The following SNTG1 variants were observed in gnomAD, a reference collection of about 807,000 sequenced individuals.
SNTG1 encodes the protein syntrophin gamma 1, also known as gamma-1-syntrophin.
In SNTG1, 39 loss-of-function variants were observed where a neutral mutation model predicts 74.7. The ratio of observed to expected loss-of-function variants is 0.52; its 90% CI spans 0.40 to 0.68. The LOEUF (loss-of-function observed/expected upper bound fraction) is 0.68, where lower values mean the gene tolerates loss of function less well. SNTG1 is among the 30% of genes least tolerant of loss of function. SNTG1 has a pLI of 0.00. For missense variants in SNTG1, 685 were observed against 609.5 expected (o/e 1.12, Z -1.30); for synonymous variants, 254 against 217.1 (o/e 1.17, Z -1.49).
chr8:50,702,747 A>G (rs1183860359), intron 15 of SNTG1, among the ~76,000 whole-genome samples: 3 of 152,326 alleles, frequency 2.0e-5, no homozygotes, highest in African/African-American at 4.8e-5. Context: ...ATTTGCTTGC[A>G]CAACCTGAGA....
rs530101507 is a variant in SNTG1, at chr8:50,717,380, C to T, written c.1284+8402C>T. 3.2e-3 allele frequency among the ~76,000 whole-genome samples: 481 copies of T among 152,246 alleles called. 4 individuals carry two copies. Among genetic ancestry groups the T allele is most frequent in the African/African-American group, 0.011 (463 of 41,530 alleles). On this transcript the variant is annotated intron_variant, in intron 17 of 18. Coordinates refer to ENST00000642720, the MANE Select transcript of SNTG1 (RefSeq NM_018967.5). ...TTTGATTTCCATAAAAGTTTTGTAACTCAAAGTATTATCCTTCAAACCTGC... is the reference window on the plus strand; with the variant it reads ...TTTGATTTCCATAAAAGTTTTGTAATTCAAAGTATTATCCTTCAAACCTGC...
At chr8:50,089,511 A>C (rs1190440015) in intron 1 of SNTG1, among the ~76,000 whole-genome samples, 2 of 152,162 alleles carry the variant, frequency 1.3e-5, no homozygotes, top group East Asian at 3.9e-4. Context: ...TACTCACCTG[A>C]CAAAGGGCTA....
intron 18 of SNTG1, among the ~76,000 whole-genome samples, chr8:50,772,768 A>C (rs1187781633): frequency 6.6e-6 from 1 of 152,096 alleles, no homozygotes; most frequent in Non-Finnish European, 1.5e-5. Context: ...TCATGGGGGT[A>C]GATTCCCCCA....
rs369561847 is a variant in SNTG1 at position 50,536,635 on chromosome 8, C to T, written c.550-43C>T. On this transcript the variant is annotated intron_variant, in intron 10 of 18. Transcript: ENST00000642720. Reference sequence around the variant, plus strand: ...GGGTTTGAGATACAGAAACTCAAAGCACAGAAGAAAAAAATTACGTTGAAT... The same window carrying T: ...GGGTTTGAGATACAGAAACTCAAAGTACAGAAGAAAAAAATTACGTTGAAT... The T allele has an allele frequency of 1.4e-5, 23 of 1,600,358 alleles. No homozygotes were observed. The African/African-American group carries it at 2.0e-4, about 14-fold the overall frequency.
intron 1 of SNTG1, among the ~76,000 whole-genome samples, chr8:49,925,226 CTT>C (rs1806915645): frequency 6.6e-6 from 1 of 152,140 alleles, no homozygotes; most frequent in African/African-American, 2.4e-5. Context: ...TAAATAATTA[CTT>C]GTCTTTTAAC....
chr8:50,422,687 G>A (rs894500454), intron 4 of SNTG1, among the ~76,000 whole-genome samples: 1 of 152,100 alleles, frequency 6.6e-6, no homozygotes, highest in Non-Finnish European at 1.5e-5. Flanking sequence ...CAGGAGTGGG[G>A]TTGGTGGGGC....
At chr8:50,630,694 A>G (rs545726528) in intron 13 of SNTG1, among the ~76,000 whole-genome samples, 2 of 152,302 alleles carry the variant, frequency 1.3e-5, no homozygotes, top group East Asian at 1.9e-4. Flanking sequence ...AGGTAATGTG[A>G]TGAGAACTGA....
At chr8:49,921,295 A>G (rs988918371) in intron 1 of SNTG1, among the ~76,000 whole-genome samples, 8 of 152,096 alleles carry the variant, frequency 5.3e-5, no homozygotes, top group African/African-American at 1.9e-4. Flanking sequence ...AGTTCTAACA[A>G]ACATACCATG....
intron 1 of SNTG1, among the ~76,000 whole-genome samples, chr8:50,044,945 T>C (rs1001983455): frequency 4.6e-5 from 7 of 152,186 alleles, no homozygotes; most frequent in Non-Finnish European, 7.3e-5. Flanking sequence ...GTCTAAAATA[T>C]AGGAAGGACT....
At chr8:50,736,243 A>AATG (rs2095528417) in intron 17 of SNTG1, among the ~76,000 whole-genome samples, 1 of 152,048 alleles carries the variant, frequency 6.6e-6, no homozygotes, top group African/African-American at 2.4e-5. Context: ...CTAGCATCAT[A>AATG]ATGACAGGCT....
At chr8:50,780,813 T>G (rs1198331265) in intron 18 of SNTG1, among the ~76,000 whole-genome samples, 2 of 152,220 alleles carry the variant, frequency 1.3e-5, no homozygotes. Flanking sequence ...CAATTTTGGA[T>G]CTTTCCTGCT....
intron 8 of SNTG1, among the ~76,000 whole-genome samples, chr8:50,486,801 T>G (rs1372094455): frequency 1.3e-5 from 2 of 151,824 alleles, no homozygotes; most frequent in Non-Finnish European, 2.9e-5. Flanking sequence ...CATAGATAGC[T>G]CTTATTATTT....
intron 18 of SNTG1, among the ~76,000 whole-genome samples, chr8:50,753,783 T>G (rs2095573464): frequency 6.6e-6 from 1 of 151,534 alleles, no homozygotes; most frequent in African/African-American, 2.4e-5. Flanking sequence ...AGGAAGTAAT[T>G]ATGGAATAGA....
intron 9 of SNTG1, among the ~76,000 whole-genome samples, chr8:50,520,359 A>G (rs1421059118): frequency 6.6e-6 from 1 of 152,190 alleles, no homozygotes; most frequent in African/African-American, 2.4e-5. Context: ...CCTAGGCAAT[A>G]CCATTCAGGG....
chr8:50,018,343 A>T (rs1315671557), intron 1 of SNTG1, among the ~76,000 whole-genome samples: 1 of 152,054 alleles, frequency 6.6e-6, no homozygotes, highest in African/African-American at 2.4e-5. Context: ...GTAAGACTTT[A>T]CATTTACACT....
In SNTG1 at chr8:50,701,586, CTCTTCTTCTTCT is replaced by C. The variant is rs5891382; in HGVS notation, c.1039-2993_1039-2982del. Among the ~76,000 whole-genome samples the C allele has an allele frequency of 3.0e-3, 441 of 145,312 alleles. 4 individuals are homozygous for C. Among genetic ancestry groups the C allele is most frequent in the Admixed American group, 0.025 (377 of 14,786 alleles). ...ATTGTGATATAATACCTTTTTCTTC[CTCTTCTTCTTCT>C]TCTTCTTCTTCTTCTTCTTCGTGTT... On this transcript the variant is annotated intron_variant, in intron 15 of 18. Transcript: ENST00000642720.
At chr8:50,009,960 C>T (rs1016489266) in intron 1 of SNTG1, among the ~76,000 whole-genome samples, 5 of 152,210 alleles carry the variant, frequency 3.3e-5, no homozygotes, top group Non-Finnish European at 5.9e-5. Flanking sequence ...CGTGCCATTG[C>T]ACTCTAGCTT....
intron 8 of SNTG1, 27 bp downstream of exon 8, chr8:50,450,756 A>C: frequency 6.2e-7 from 1 of 1,608,320 alleles, no homozygotes; most frequent in Non-Finnish European, 8.5e-7. Flanking sequence ...CTAATGTCAT[A>C]GTTTTCCCCA....
At chr8:49,968,663 A>G (rs1240967634) in intron 1 of SNTG1, among the ~76,000 whole-genome samples, 1 of 152,172 alleles carries the variant, frequency 6.6e-6, no homozygotes, top group Non-Finnish European at 1.5e-5. Context: ...GGTTATACCA[A>G]AGAGATAGAC....
Sources: gnomAD v4.1 joint callset for allele counts (sites outside exome capture counted in the v4.1 genomes callset) on GRCh38, gnomAD v4.1.1 for gene constraint, MANE v1.5 for transcripts, NCBI Gene and HGNC (gene_info 2026-07-23, HGNC 2026-07-21) for gene names.